CHST11: variants seen among roughly 807,000 people sequenced by gnomAD.
The protein encoded by CHST11 is C4S-1.
A neutral mutation model predicts 30.4 loss-of-function variants in CHST11; 9 were observed. That is an observed-to-expected ratio of 0.30 (90% confidence interval 0.18 to 0.52). The LOEUF (loss-of-function observed/expected upper bound fraction) is 0.52. Ranked by LOEUF, CHST11 falls within the 20% of genes least tolerant of loss-of-function variation. CHST11 has a pLI of 0.97. For missense variants in CHST11, 348 were observed against 460.6 expected, an observed-to-expected ratio of 0.76 and a Z score of 2.24; for synonymous variants, 152 against 187.8, an observed-to-expected ratio of 0.81 and a Z score of 1.56.
At chr12:104,606,836 G>A (rs1270275093) in intron 2 of CHST11, among the ~76,000 whole-genome samples, 1 of 152,186 alleles carries the variant, frequency 6.6e-6, no homozygotes, top group African/African-American at 2.4e-5. Flanking sequence ...GGGAGGCTGA[G>A]GTGGGCAGAT....
chr12:104,530,089 G>GTGGA (rs898294703), intron 1 of CHST11, among the ~76,000 whole-genome samples: 4 of 152,156 alleles, frequency 2.6e-5, no homozygotes, highest in Admixed American at 6.5e-5. Context: ...AAACCGGGAG[G>GTGGA]TGGAGGTTGC....
At chr12:104,645,612 C>G (rs2039420768) in intron 2 of CHST11, among the ~76,000 whole-genome samples, 1 of 152,114 alleles carries the variant, frequency 6.6e-6, no homozygotes, top group Non-Finnish European at 1.5e-5. Flanking sequence ...ACTCACCTTC[C>G]CCTGCTGGTC....
intron 1 of CHST11, among the ~76,000 whole-genome samples, chr12:104,561,078 T>C (rs1206463373): frequency 6.6e-6 from 1 of 151,986 alleles, no homozygotes; most frequent in East Asian, 1.9e-4. Context: ...GCGAGATGAG[T>C]AAGATAATTT....
At position 104,545,822 on chromosome 12, in the gene CHST11, G is replaced by GCTCT. The variant is rs34407607; in HGVS notation, c.119-56081_119-56078dup. Among the ~76,000 whole-genome samples, 686 of 100,730 alleles carry GCTCT rather than the reference G, an allele frequency of 6.8e-3. 6 individuals carry two copies. Among genetic ancestry groups the GCTCT allele is most frequent in the African/African-American group, 0.02 (642 of 32,560 alleles). 66.1% of individuals were successfully genotyped at this position (100,730 alleles called of 152,430 possible). A position where few individuals can be genotyped will look rare whatever the true frequency, so the allele number is the denominator to read the frequency against. On this transcript the variant is annotated intron_variant, in intron 1 of 2. Transcript: ENST00000303694. ...ACTCTCTAGGGTCTCTCTCTCTCTT[G>GCTCT]CTCTCTGTCTCTCTTTTTTTAAAAG...
rs1243506390 is a variant in CHST11, at chr12:104,567,364, G to A, written c.119-34542G>A. On this transcript the variant is annotated intron_variant, in intron 1 of 2. Coordinates refer to ENST00000303694, the MANE Select transcript of CHST11 (RefSeq NM_018413.6). ...GCAGAAAATGCAATCCTTTCCTAGA[G>A]GGTAGAGAAACATTTGTTTGAAATG... Among the ~76,000 whole-genome samples, 2 of 152,190 alleles carry A rather than the reference G, an allele frequency of 1.3e-5. 1 individual carries two copies. The highest frequency in any genetic ancestry group is 3.8e-4 in the East Asian group (2 of 5,204).
intron 2 of CHST11, among the ~76,000 whole-genome samples, chr12:104,735,046 A>T (rs931265174): frequency 1.3e-5 from 2 of 152,208 alleles, no homozygotes; most frequent in African/African-American, 2.4e-5. Context: ...ATGGTGCTCA[A>T]CACAGGGGAT....
chr12:104,602,875 C>T (rs569537048), intron 2 of CHST11, among the ~76,000 whole-genome samples: 17 of 152,250 alleles, frequency 1.1e-4, no homozygotes, highest in African/African-American at 4.1e-4. Flanking sequence ...TCAAAGGTGT[C>T]GAATTTTTAG....
intron 1 of CHST11, among the ~76,000 whole-genome samples, chr12:104,527,557 T>C (rs1271968563): frequency 6.6e-6 from 1 of 152,208 alleles, no homozygotes; most frequent in East Asian, 1.9e-4. Flanking sequence ...GACGTGGATC[T>C]TCTATACTCT....
At chr12:104,630,009 T>C (rs2039256115) in intron 2 of CHST11, among the ~76,000 whole-genome samples, 1 of 152,200 alleles carries the variant, frequency 6.6e-6, no homozygotes, top group African/African-American at 2.4e-5. Context: ...AGCCAACCCA[T>C]TGTTAAGTTG....
intron 2 of CHST11, among the ~76,000 whole-genome samples, chr12:104,610,196 A>T (rs2039047024): frequency 6.6e-6 from 1 of 152,108 alleles, no homozygotes; most frequent in African/African-American, 2.4e-5. Context: ...CATGTCTGTT[A>T]TACTCCCAAT....
chr12:104,515,131 A>T (rs2038009815), intron 1 of CHST11, among the ~76,000 whole-genome samples: 1 of 152,206 alleles, frequency 6.6e-6, no homozygotes, highest in Non-Finnish European at 1.5e-5. Flanking sequence ...TTGGGAAAAA[A>T]AAATCAAAAG....
Position 104,609,481 on chromosome 12 carries a change from A to G in CHST11, c.204+7490A>G, listed in dbSNP as rs560541422. On this transcript the variant is annotated intron_variant, in intron 2 of 2. Coordinates refer to ENST00000303694, the MANE Select transcript of CHST11 (RefSeq NM_018413.6). ...TGGCTAGTGGATTCATTATTCTTGAACCAGGGAAGCTTCCCAGTCAGATTT... is the reference window on the plus strand; with the variant it reads ...TGGCTAGTGGATTCATTATTCTTGAGCCAGGGAAGCTTCCCAGTCAGATTT... 5.9e-5 allele frequency among the ~76,000 whole-genome samples: 9 copies of G among 152,300 alleles called. No individual in the cohort carries two copies. In the East Asian group the frequency reaches 1.7e-3, roughly 29 times the overall value.
At chr12:104,635,570 G>A (rs1437208932) in intron 2 of CHST11, among the ~76,000 whole-genome samples, 1 of 152,204 alleles carries the variant, frequency 6.6e-6, no homozygotes, top group African/African-American at 2.4e-5. Context: ...AAAAATGACT[G>A]TGTTGATGGC....
At chr12:104,518,415 G>C (rs993548090) in intron 1 of CHST11, among the ~76,000 whole-genome samples, 1 of 152,250 alleles carries the variant, frequency 6.6e-6, no homozygotes, top group East Asian at 1.9e-4. Flanking sequence ...CTAATTATAT[G>C]GGCTCGGTAA....
chr12:104,757,614 G>A lies in CHST11; in HGVS notation c.870G>A (p.Leu290=), dbSNP rs771297153. ...TGGAAGAGGATTCTAATTACGTCCT[G>A]CAGCTGGCAGGAGTGGGCAGCTACC... ...ETLEEDSNYV[L]QLAGVGSYLK... Residue 290 remains leucine (L), a synonymous_variant, in exon 3 of 3, where the codon CTG becomes CTA. Coordinates refer to ENST00000303694, the MANE Select transcript of CHST11 (RefSeq NM_018413.6). The surrounding 1 kb of genome is among the most constrained non-coding windows in gnomAD (Gnocchi z 6.5). 5.7e-5 allele frequency: 92 copies of A among 1,614,054 alleles called. No individual in the cohort carries two copies. The highest frequency in any genetic ancestry group is 7.5e-5 in the Non-Finnish European group (89 of 1,180,040).
chr12:104,575,380 A>G (rs890377653), intron 1 of CHST11, among the ~76,000 whole-genome samples: 2 of 152,250 alleles, frequency 1.3e-5, no homozygotes, highest in East Asian at 3.9e-4. Context: ...CTTGCCATTA[A>G]GGGATGCAGG....
intron 1 of CHST11, among the ~76,000 whole-genome samples, chr12:104,564,895 A>G (rs1254480463): frequency 1.3e-5 from 2 of 152,086 alleles, no homozygotes; most frequent in African/African-American, 4.8e-5. Flanking sequence ...TGTGCAGGGG[A>G]ACTGCCCTTT....
intron 1 of CHST11, among the ~76,000 whole-genome samples, chr12:104,502,586 C>T (rs992259532): frequency 2.0e-5 from 3 of 152,060 alleles, no homozygotes; most frequent in Admixed American, 6.6e-5. Context: ...CCCTACTCCC[C>T]GCATCTGAGA....
chr12:104,652,876 C>T (rs76833441), intron 2 of CHST11, among the ~76,000 whole-genome samples: 8,999 of 152,250 alleles, frequency 0.059, 331 homozygotes, highest in Non-Finnish European at 0.081. Context: ...CCTGCTTGGC[C>T]TCTGCTCCCT....
Sources: gnomAD v4.1 joint callset for allele counts (sites outside exome capture counted in the v4.1 genomes callset) on GRCh38, gnomAD v4.1.1 for gene constraint, Gnocchi (gnomAD v3.1) non-coding constraint, MANE v1.5 for transcripts, NCBI Gene and HGNC (gene_info 2026-07-23, HGNC 2026-07-21) for gene names.